Variants in LRFN5 observed in about 807,000 individuals in gnomAD.
LRFN5 encodes the protein leucine-rich repeat and fibronectin type-III domain-containing protein 5.
Under a neutral mutation model 45.6 loss-of-function variants are expected in LRFN5, and 24 were observed. That is an observed-to-expected ratio of 0.53 (90% CI 0.38 to 0.74). LRFN5 has a LOEUF of 0.74. Among genes scored for constraint, LRFN5 ranks in the 30% least tolerant of loss-of-function variants. The pLI is 0.00. For missense variants in LRFN5, 776 were observed against 861.5 expected, an observed-to-expected ratio of 0.90 and a Z score of 1.24; for synonymous variants, 340 against 313.8, an observed-to-expected ratio of 1.08 and a Z score of -0.88.
intron 1 of LRFN5, among the ~76,000 whole-genome samples, chr14:41,690,022 A>T (rs1882305137): frequency 6.6e-6 from 1 of 152,164 alleles, no homozygotes; most frequent in Admixed American, 6.5e-5. Context: ...TCTTTTCAAA[A>T]TAGGATGCCA....
intron 1 of LRFN5, among the ~76,000 whole-genome samples, chr14:41,609,808 G>T (rs142355938): frequency 2.0e-5 from 3 of 152,312 alleles, no homozygotes; most frequent in Non-Finnish European, 4.4e-5. Flanking sequence ...GGCTGCTGGG[G>T]GGCGGGGGGT....
At chr14:41,729,224 T>C (rs73309191) in intron 1 of LRFN5, among the ~76,000 whole-genome samples, 6,818 of 152,202 alleles carry the variant, frequency 0.045, 341 homozygotes, top group African/African-American at 0.12. Context: ...GCACCATTGC[T>C]TTGGTGATGG....
At chr14:41,833,818 G>C (rs1251058282) in intron 2 of LRFN5, among the ~76,000 whole-genome samples, 1 of 152,130 alleles carries the variant, frequency 6.6e-6, no homozygotes, top group Non-Finnish European at 1.5e-5. Context: ...GGTAGGGAGA[G>C]AGTTGCTCAG....
intron 2 of LRFN5, among the ~76,000 whole-genome samples, chr14:41,834,004 A>G (rs1325300087): frequency 2.0e-5 from 3 of 152,152 alleles, no homozygotes; most frequent in Admixed American, 6.5e-5. Flanking sequence ...TAAATTGCCT[A>G]TTTTAGTGCA....
At chr14:41,878,769 G>T (rs58191535) in intron 2 of LRFN5, among the ~76,000 whole-genome samples, 1,959 of 152,108 alleles carry the variant, frequency 0.013, 36 homozygotes, top group African/African-American at 0.045. Flanking sequence ...AACATAGATA[G>T]TATGTTTTAT....
chr14:41,689,049 C>A (rs970427619), intron 1 of LRFN5, among the ~76,000 whole-genome samples: 2 of 151,376 alleles, frequency 1.3e-5, no homozygotes, highest in African/African-American at 4.9e-5. Flanking sequence ...GAGCTGAGAT[C>A]TCACCACTGC....
At chr14:41,789,296 A>G (rs1176363230) in intron 2 of LRFN5, among the ~76,000 whole-genome samples, 1 of 151,984 alleles carries the variant, frequency 6.6e-6, no homozygotes, top group Non-Finnish European at 1.5e-5. Context: ...TGTTCCAACT[A>G]TTGGATATAA....
chr14:41,895,029 A>G (rs1890894222), intron 4 of LRFN5: 1 of 983,990 alleles, frequency 1.0e-6, no homozygotes, highest in South Asian at 4.7e-5. Context: ...ATTTTGCATT[A>G]TAGTTTCAGC....
intron 1 of LRFN5, among the ~76,000 whole-genome samples, chr14:41,703,642 A>G (rs571450418): frequency 6.6e-6 from 1 of 152,038 alleles, no homozygotes; most frequent in African/African-American, 2.4e-5. Context: ...CTTTTGGGAG[A>G]ATAACTATTT....
At chr14:41,761,317 A>G (rs1213365493) in intron 1 of LRFN5, among the ~76,000 whole-genome samples, 1 of 151,300 alleles carries the variant, frequency 6.6e-6, no homozygotes, top group Non-Finnish European at 1.5e-5. Context: ...GGAAGGAAGA[A>G]ATGGGGGATA....
intron 2 of LRFN5, among the ~76,000 whole-genome samples, chr14:41,781,620 AAGAAAGAAAGAAAGGAAAGAAAGAAAG>A (rs1566437371): frequency 2.0e-5 from 2 of 99,720 alleles, no homozygotes; most frequent in Non-Finnish European, 4.0e-5. Flanking sequence ...AAGAAAGAGA[AAGAAAGAAAGAAAGGAAAGAAAGAAAG>A]AGAAAGAAAG....
At chr14:41,747,585 A>C (rs1342637002) in intron 1 of LRFN5, among the ~76,000 whole-genome samples, 1 of 152,048 alleles carries the variant, frequency 6.6e-6, no homozygotes, top group Non-Finnish European at 1.5e-5. Context: ...CACACAAGGC[A>C]AATGCTTTAA....
chr14:41,818,926 T>C (rs1047146627), intron 2 of LRFN5, among the ~76,000 whole-genome samples: 2 of 152,152 alleles, frequency 1.3e-5, no homozygotes, highest in Non-Finnish European at 2.9e-5. Flanking sequence ...CAGTATCTAT[T>C]ATTCCACTCT....
At chr14:41,849,079 A>G (rs1252637389) in intron 2 of LRFN5, among the ~76,000 whole-genome samples, 1 of 152,082 alleles carries the variant, frequency 6.6e-6, no homozygotes, top group Non-Finnish European at 1.5e-5. Context: ...TGTGATCTCC[A>G]TTTATGCCCC....
intron 2 of LRFN5, among the ~76,000 whole-genome samples, chr14:41,840,521 G>C (rs1467993462): frequency 6.6e-6 from 1 of 151,996 alleles, no homozygotes. Flanking sequence ...GAAGTAGAAT[G>C]TAAAATGTTT....
intron 1 of LRFN5, among the ~76,000 whole-genome samples, chr14:41,631,526 T>TA: frequency 1.3e-5 from 2 of 151,878 alleles, no homozygotes; most frequent in African/African-American, 4.8e-5. Context: ...AACATATAAA[T>TA]AAAAAATAAA....
chr14:41,675,366 C>T (rs1485586414), intron 1 of LRFN5, among the ~76,000 whole-genome samples: 3 of 152,242 alleles, frequency 2.0e-5, no homozygotes, highest in Non-Finnish European at 2.9e-5. Flanking sequence ...CTCGGGAGGC[C>T]GAGGCTGGCG....
chr14:41,733,614 A>G (rs1884277623), intron 1 of LRFN5: 1 of 152,106 alleles, frequency 6.6e-6, no homozygotes, highest in South Asian at 2.1e-4. Context: ...AGTAAGAAGA[A>G]ATAAAGATCT....
chr14:41,630,137 G>A (rs367831840), intron 1 of LRFN5, among the ~76,000 whole-genome samples: 3 of 152,024 alleles, frequency 2.0e-5, no homozygotes, highest in African/African-American at 7.2e-5. Flanking sequence ...TTTCTCAGAG[G>A]TTTTCTCTGA....
Sources: allele counts gnomAD v4.1 joint callset (sites outside exome capture counted in the v4.1 genomes callset), GRCh38; gene constraint gnomAD v4.1.1; transcripts MANE v1.5; gene names NCBI Gene and HGNC (gene_info 2026-07-23, HGNC 2026-07-21).